SPTAN1: variants seen among roughly 807,000 people sequenced by gnomAD.
The protein encoded by SPTAN1 is spectrin alpha chain, non-erythrocytic 1.
In SPTAN1, 61 loss-of-function variants were observed where a neutral mutation model predicts 331.3. The ratio of observed to expected loss-of-function variants is 0.18; its 90% CI spans 0.15 to 0.23. SPTAN1 has a LOEUF of 0.23. Ranked by LOEUF, SPTAN1 falls within the 10% of genes least tolerant of loss-of-function variation. The probability of loss-of-function intolerance (pLI) is 1.00; values close to 1 mark genes in which losing one functional copy is unlikely to be tolerated. For synonymous variants in SPTAN1, 1,153 were observed against 1,173.9 expected, an observed-to-expected ratio of 0.98 and a Z score of 0.36; for missense variants, 2,043 against 3,147.9, an observed-to-expected ratio of 0.65 and a Z score of 8.40.
rs765693336 is a variant in SPTAN1 at position 128,617,634 on chromosome 9, A to G, written c.5358-6A>G. ...CTGACTGTGCTGTTTCCCATCTCTC[A>G]TTCAGGGAGAAGAAGCTGCTGGTGG... On this transcript the variant is annotated splice_region_variant and splice_polypyrimidine_tract_variant and intron_variant, in intron 41 of 56. Transcript: ENST00000372739. 6 of 1,614,146 alleles carry G rather than the reference A, an allele frequency of 3.7e-6. No homozygotes were observed. In the East Asian group the frequency reaches 1.3e-4, roughly 36 times the overall value.
Position 128,591,341 on chromosome 9 carries a change from T to A in SPTAN1, c.3007-136T>A. On this transcript the variant is annotated intron_variant, in intron 21 of 56. Transcript: ENST00000372739. The stretch of plus-strand genomic sequence containing the variant: ...TCGGTCTCCCAAAGTGCTGGGATTA[T>A]AGGTGTGAGCCACTGTGGCCGGCCG... 6 of 1,074,308 alleles carry A rather than the reference T, an allele frequency of 5.6e-6. 1 individual carries two copies. Among genetic ancestry groups the A allele is most frequent in the African/African-American group, 1.6e-5 (1 of 64,284 alleles). The allele number at this position is 1,074,308 out of a possible 1,614,324, so 66.5% of individuals were successfully genotyped here. A position where few individuals can be genotyped will look rare whatever the true frequency, so the allele number is the denominator to read the frequency against.
rs1433077239 is a variant in SPTAN1 at position 128,577,549 on chromosome 9, C to CT, written c.1085+49dup. 2 of 1,611,660 alleles carry CT rather than the reference C, an allele frequency of 1.2e-6. No individual in the cohort carries two copies. The highest frequency in any genetic ancestry group is 1.7e-6 in the Non-Finnish European group (2 of 1,179,856). ...GGTCTTAACCAGTATCATTTGGCTT[C>CT]TTTTTTGGAAGCAGGAATAGCAGAG... is the stretch of plus-strand genomic sequence containing the variant. On this transcript the variant is annotated intron_variant, in intron 8 of 56. Transcript: ENST00000372739. The surrounding 1 kb of genome is among the most constrained non-coding windows in gnomAD (Gnocchi z 4.2).
At chr9:128,554,751 A>T (rs948352644) in intron 1 of SPTAN1, among the ~76,000 whole-genome samples, 1 of 152,240 alleles carries the variant, frequency 6.6e-6, no homozygotes, top group African/African-American at 2.4e-5. Context: ...GCGGAGGAGG[A>T]GGAGGACTGC....
At chr9:128,578,955 A>G (rs186987404) in intron 9 of SPTAN1, among the ~76,000 whole-genome samples, 18 of 152,298 alleles carry the variant, frequency 1.2e-4, no homozygotes, top group Non-Finnish European at 2.2e-4. Context: ...TAAAAATACT[A>G]CTTATTAGAG....
chr9:128,611,457 A>C (rs1856547313), intron 37 of SPTAN1: 1 of 446,584 alleles, frequency 2.2e-6, no homozygotes. Context: ...GCAACTGAGC[A>C]AGACCCTGTC....
chr9:128,596,004 C>G (rs951010946), intron 24 of SPTAN1: 3 of 152,038 alleles, frequency 2.0e-5, no homozygotes, highest in Non-Finnish European at 4.4e-5. Context: ...CCACTATGCT[C>G]AGCTAATTTT....
chr9:128,590,515 G>GGC (rs1314868301), intron 21 of SPTAN1, among the ~76,000 whole-genome samples: 1 of 148,694 alleles, frequency 6.7e-6, no homozygotes, highest in Non-Finnish European at 1.5e-5. Flanking sequence ...ACCAACCTGG[G>GGC]GCACATAGCG....
chr9:128,614,357 C>T (rs1307327072), intron 40 of SPTAN1, among the ~76,000 whole-genome samples: 4 of 151,996 alleles, frequency 2.6e-5, no homozygotes, highest in African/African-American at 7.3e-5. Flanking sequence ...TTTGGGAGGC[C>T]GAGGCGGGTG....
intron 1 of SPTAN1, among the ~76,000 whole-genome samples, chr9:128,563,373 T>C (rs887234636): frequency 6.0e-5 from 9 of 150,764 alleles, no homozygotes; most frequent in Non-Finnish European, 1.2e-4. Context: ...TGAGATCGTA[T>C]CACTGCACTC....
intron 1 of SPTAN1, among the ~76,000 whole-genome samples, chr9:128,562,740 G>A (rs530890772): frequency 8.6e-5 from 13 of 151,968 alleles, no homozygotes; most frequent in African/African-American, 2.4e-4. Context: ...CAAGGTGGGC[G>A]GATCACGAGG....
chr9:128,582,993 C>T, intron 14 of SPTAN1, 84 bp from the exon 15 acceptor site: 1 of 1,577,652 alleles, frequency 6.3e-7, no homozygotes. Flanking sequence ...TACATTCCTC[C>T]ATAAAGATAA....
intron 43 of SPTAN1, 135 bp downstream of exon 43, chr9:128,618,243 T>G: frequency 1.5e-6 from 2 of 1,378,966 alleles, no homozygotes; most frequent in Non-Finnish European, 1.0e-6. Context: ...CATAGTCGGT[T>G]TGCTCCAGAG....
intron 23 of SPTAN1, 137 bp from the exon 24 acceptor site, chr9:128,594,038 T>C (rs1312314222): frequency 1.2e-6 from 1 of 805,864 alleles, no homozygotes; most frequent in Non-Finnish European, 2.1e-6. Flanking sequence ...CTGATAACTC[T>C]GTTACTAGGG....
rs1472801303 is a variant in SPTAN1 at position 128,613,342 on chromosome 9, C to A, written c.5044-39C>A. On this transcript the variant is annotated intron_variant, in intron 39 of 56. Transcript: ENST00000372739. ...AATTTTCCAGAATGCTGAGTATACA[C>A]CACACAGTAGCCTTTGCTTTTTGTG... 1.9e-6 allele frequency: 3 copies of A among 1,564,636 alleles called. No homozygotes were observed. In the Admixed American group the frequency reaches 5.0e-5, roughly 26 times the overall value.
intron 21 of SPTAN1, among the ~76,000 whole-genome samples, chr9:128,589,986 A>T (rs1853261301): frequency 6.6e-6 from 1 of 152,200 alleles, no homozygotes; most frequent in Non-Finnish European, 1.5e-5. Flanking sequence ...AAATAATGAC[A>T]ATAATAAATC....
rs201561438 is a variant in SPTAN1 at position 128,632,537 on chromosome 9, C to T, written c.7014-35C>T. 9.4e-5 allele frequency: 152 copies of T among 1,614,156 alleles called. No homozygotes were observed. In the Middle Eastern group the frequency reaches 9.9e-4, roughly 11 times the overall value. ...GGGTGGGGGGTGTTCGGCAGCAGGG[C>T]TGCCTGCTGAGCCGCCCTCGGCTTT... On this transcript the variant is annotated intron_variant, in intron 54 of 56. Transcript: ENST00000372739.
At chr9:128,584,231 C>T (rs753457145) in intron 16 of SPTAN1, 51 bp from the exon 17 acceptor site, 19 of 1,613,090 alleles carry the variant, frequency 1.2e-5, no homozygotes, top group Admixed American at 1.7e-5. Context: ...TCTCTGTATA[C>T]GATAAAACCA....
At chr9:128,590,349 C>A (rs924343927) in intron 21 of SPTAN1, among the ~76,000 whole-genome samples, 1 of 152,082 alleles carries the variant, frequency 6.6e-6, no homozygotes, top group African/African-American at 2.4e-5. Context: ...CTACTAGCTA[C>A]GTGTGATAGT....
chr9:128,629,942 CCT>C lies in SPTAN1; in HGVS notation c.6708-378_6708-377del, dbSNP rs1564324744. ...CAGCCTCCCCTCTGCCCTGAGGTCT[CCT>C]GTCTGTCAGGTGTCAGGGTGTGCCA... On this transcript the variant is annotated intron_variant, in intron 51 of 56. Transcript: ENST00000372739. The surrounding 1 kb of genome is among the most constrained non-coding windows in gnomAD (Gnocchi z 4.9). 2.7e-6 allele frequency: 1 copy of C among 371,572 alleles called. No homozygotes were observed. Among genetic ancestry groups the C allele is most frequent in the Non-Finnish European group, 5.2e-6 (1 of 190,944 alleles). The allele number at this position is 371,572 out of a possible 1,614,324, so 23.0% of individuals were successfully genotyped here.
Sources: gnomAD v4.1 joint callset for allele counts (sites outside exome capture counted in the v4.1 genomes callset) on GRCh38, gnomAD v4.1.1 for gene constraint, Gnocchi (gnomAD v3.1) non-coding constraint, MANE v1.5 for transcripts, NCBI Gene and HGNC (gene_info 2026-07-23, HGNC 2026-07-21) for gene names.